Variants in ABCA13 observed in about 807,000 individuals in gnomAD.
The protein encoded by ABCA13 is ATP binding cassette subfamily A member 13.
ABCA13 carries 476 observed loss-of-function variants against 478.7 expected under a neutral mutation model. The observed-to-expected ratio is 0.99, with a 90% CI of 0.92 to 1.07. The LOEUF (loss-of-function observed/expected upper bound fraction) is 1.07. ABCA13 is among the 50% of genes least tolerant of loss of function. The pLI, the probability that ABCA13 is intolerant of heterozygous loss-of-function variation, is 0.00. For missense variants in ABCA13, 6,060 were observed against 5,910.6 expected (o/e 1.03, Z -0.83); for synonymous variants, 2,252 against 2,158.9 (o/e 1.04, Z -1.20).
In ABCA13 at chr7:48,455,125, C is replaced by T; in HGVS notation, c.12654C>T (p.Arg4218=). The change falls in exon 43 of 62, where the codon CGC becomes CGT. Residue 4218 remains arginine (R), a synonymous_variant. Coordinates refer to ENST00000435803, the MANE Select transcript of ABCA13 (RefSeq NM_152701.5). ...CGATCCTGGCCCGGAGGCTCCGCCG[C>T]ACGCTGCGCGCCGGGAAGAGCACCC... is the stretch of plus-strand genomic sequence containing the variant. ...VAAILARRLR[R]TLRAGKSTLA... The T allele has an allele frequency of 1.3e-6, 2 of 1,564,694 alleles. No homozygotes were observed. The highest frequency in any genetic ancestry group is 1.7e-6 in the Non-Finnish European group (2 of 1,155,242).
intron 31 of ABCA13, among the ~76,000 whole-genome samples, chr7:48,353,341 G>A (rs971467499): frequency 1.3e-5 from 2 of 151,522 alleles, no homozygotes; most frequent in African/African-American, 2.4e-5. Context: ...TCATTCATTT[G>A]CAATCCCTGC....
chr7:48,454,630 G>T (rs1297279841), intron 42 of ABCA13, among the ~76,000 whole-genome samples: 1 of 152,146 alleles, frequency 6.6e-6, no homozygotes, highest in African/African-American at 2.4e-5. Context: ...AAAGCAGGCC[G>T]TGGGGTTATT....
chr7:48,302,992 G>T (rs79963906), intron 23 of ABCA13, among the ~76,000 whole-genome samples: 6,017 of 152,134 alleles, frequency 0.04, 370 homozygotes, highest in African/African-American at 0.14. Context: ...AACCTCATCA[G>T]AATCGGTTAC....
chr7:48,470,527 A>G (rs554339082), intron 44 of ABCA13, among the ~76,000 whole-genome samples: 1 of 152,334 alleles, frequency 6.6e-6, no homozygotes, highest in East Asian at 1.9e-4. Flanking sequence ...TGTTATTTCC[A>G]TGTAAACTCT....
rs1439840682 is a variant in ABCA13, at chr7:48,233,959, A to G, written c.764-59A>G. The G allele has an allele frequency of 5.0e-6, 8 of 1,592,766 alleles. No individual in the cohort carries two copies. In the Admixed American group the frequency reaches 5.2e-5, roughly 10 times the overall value. ...AAAAGGTATTTTTTTTCTGGATTAC[A>G]TTAAACATATCAAAATATTCAAACA... On this transcript the variant is annotated intron_variant, in intron 7 of 61. Coordinates refer to ENST00000435803, the MANE Select transcript of ABCA13 (RefSeq NM_152701.5).
intron 23 of ABCA13, among the ~76,000 whole-genome samples, chr7:48,307,797 C>T (rs981227383): frequency 3.9e-5 from 6 of 152,122 alleles, no homozygotes; most frequent in Non-Finnish European, 7.3e-5. Flanking sequence ...TCCCCTGCCT[C>T]AGTCTCCCAA....
chr7:48,645,609 CA>C lies in ABCA13; in HGVS notation c.*98del. On this transcript the variant is annotated 3_prime_UTR_variant, in exon 62 of 62. Transcript: ENST00000435803. ...CACGCGCACAATCAAGGAGCTGGAA[CA>C]CACTCTCCAGGCCGTCAAATTATTC... 3.1e-6 allele frequency: 3 copies of C among 966,458 alleles called. No homozygotes were observed. Among genetic ancestry groups the C allele is most frequent in the Non-Finnish European group, 4.7e-6 (3 of 638,902 alleles). 59.9% of individuals were successfully genotyped at this position (966,458 alleles called of 1,614,324 possible). A position where few individuals can be genotyped will look rare whatever the true frequency, so the allele number is the denominator to read the frequency against.
rs1396400009 is a variant in ABCA13 at position 48,520,175 on chromosome 7, C to T, written c.13932C>T (p.Ser4644=). 1.9e-6 allele frequency: 3 copies of T among 1,613,596 alleles called. No individual in the cohort carries two copies. The highest frequency in any genetic ancestry group is 1.1e-5 in the South Asian group (1 of 91,080). Residue 4644 remains serine (S), a synonymous_variant, in exon 53 of 62, where the codon TCC becomes TCT. Transcript: ENST00000435803. ...YDLTHNFGID[S]YVSPFEMNFL... is the part of the protein sequence containing the mutation. ...TGACCCACAACTTCGGCATTGATTC[C>T]TATGTGAGTCCCTTTGAGATGAACT... is the stretch of plus-strand genomic sequence containing the variant.
intron 31 of ABCA13, among the ~76,000 whole-genome samples, chr7:48,354,647 A>G (rs1809607313): frequency 6.6e-6 from 1 of 152,098 alleles, no homozygotes; most frequent in Admixed American, 6.5e-5. Context: ...GGATACAGCA[A>G]TATAACTCCT....
intron 35 of ABCA13, among the ~76,000 whole-genome samples, chr7:48,378,512 G>A (rs552651520): frequency 1.5e-4 from 23 of 152,238 alleles, no homozygotes; most frequent in African/African-American, 5.1e-4. Context: ...TGAGGAAACC[G>A]TGATCTCCTG....
At chr7:48,213,994 C>T (rs1338744952) in intron 3 of ABCA13, among the ~76,000 whole-genome samples, 2 of 152,198 alleles carry the variant, frequency 1.3e-5, no homozygotes, top group Non-Finnish European at 2.9e-5. Flanking sequence ...TCAAAATCAT[C>T]CATAAATTTG....
chr7:48,293,969 C>T (rs921453821), intron 20 of ABCA13, among the ~76,000 whole-genome samples: 9 of 152,108 alleles, frequency 5.9e-5, no homozygotes, highest in African/African-American at 9.7e-5. Flanking sequence ...CTTCAGAGCA[C>T]GGCAAATCCC....
chr7:48,464,401 G>A (rs1051405664), intron 43 of ABCA13, among the ~76,000 whole-genome samples: 2 of 152,118 alleles, frequency 1.3e-5, no homozygotes, highest in African/African-American at 2.4e-5. Flanking sequence ...ACAGCTGTAG[G>A]GAATTATATT....
chr7:48,509,455 T>C (rs1831491174), intron 50 of ABCA13, among the ~76,000 whole-genome samples: 1 of 152,174 alleles, frequency 6.6e-6, no homozygotes, highest in Non-Finnish European at 1.5e-5. Context: ...GGGCCACGTT[T>C]CTAGGACACC....
intron 43 of ABCA13, among the ~76,000 whole-genome samples, chr7:48,465,594 G>T (rs1826787647): frequency 6.7e-6 from 1 of 150,186 alleles, no homozygotes; most frequent in Admixed American, 6.6e-5. Flanking sequence ...CATATTTATG[G>T]GGTACATGTG....
At chr7:48,412,680 A>C in intron 41 of ABCA13, 97 bp downstream of exon 41, 7 of 670,058 alleles carry the variant, frequency 1.0e-5, no homozygotes, top group Non-Finnish European at 1.5e-5. Context: ...AGATGTGGGT[A>C]AGGGGGAGGA....
At position 48,278,342 on chromosome 7, in the gene ABCA13, T is replaced by G. The variant is rs200243325; in HGVS notation, c.7148T>G (p.Ile2383Arg). 1.1e-3 allele frequency: 1,734 copies of G among 1,613,364 alleles called. 15 individuals carry two copies. The highest frequency in any genetic ancestry group is 9.9e-3 in the South Asian group (904 of 91,012). The change falls in exon 18 of 62, where the codon ATA (isoleucine) becomes AGA (arginine). Residue 2383 changes from isoleucine (I) to arginine (R), a missense_variant. By Grantham distance (97) the Ile-to-Arg change is moderately conservative. Transcript: ENST00000435803. ...ATGAAAAATAAGACTGAAAATAATA[T>G]AGACTTTTTCACAGTGGTGAGTCAG... ...TSMKNKTENN[I>R]DFFTVVSQLF...
chr7:48,612,267 G>A (rs1366603824), intron 58 of ABCA13: 1 of 152,200 alleles, frequency 6.6e-6, no homozygotes, highest in East Asian at 1.9e-4. Context: ...TGAGTTTGTT[G>A]CATGTCCACA....
At position 48,483,057 on chromosome 7, in the gene ABCA13, C is replaced by A. The variant is rs867727595; in HGVS notation, c.13095-19C>A. Reference sequence around the variant, plus strand: ...GTGCTCTGTGGTTGAAGCACTAACACAATGTTCATTGTTAACAGGCTTGGA... The same window carrying A: ...GTGCTCTGTGGTTGAAGCACTAACAAAATGTTCATTGTTAACAGGCTTGGA... On this transcript the variant is annotated intron_variant, in intron 46 of 61. Transcript: ENST00000435803. 4.4e-6 allele frequency: 7 copies of A among 1,600,618 alleles called. No homozygotes were observed. The Middle Eastern group carries it at 8.3e-4, about 190-fold the overall frequency.
Sources: allele counts gnomAD v4.1 joint callset (sites outside exome capture counted in the v4.1 genomes callset), GRCh38; gene constraint gnomAD v4.1.1; transcripts MANE v1.5; gene names NCBI Gene and HGNC (gene_info 2026-07-23, HGNC 2026-07-21).